Variants in LAMTOR1 observed in about 807,000 individuals in gnomAD.
LAMTOR1 encodes late endosomal/lysosomal adaptor, MAPK and MTOR activator 1.
In LAMTOR1, 8 loss-of-function variants were observed where a neutral mutation model predicts 20.5. The observed-to-expected ratio is 0.39, with a 90% CI of 0.23 to 0.70. The LOEUF (loss-of-function observed/expected upper bound fraction) is 0.70, where lower values mean the gene tolerates loss of function less well. Among genes scored for constraint, LAMTOR1 ranks in the 30% least tolerant of loss-of-function variants. The probability of loss-of-function intolerance (pLI) is 0.43; values close to 1 mark genes in which losing one functional copy is unlikely to be tolerated. For synonymous variants in LAMTOR1, 77 were observed against 80.9 expected, an observed-to-expected ratio of 0.95 and a Z score of 0.26; for missense variants, 135 against 206.2, an observed-to-expected ratio of 0.65 and a Z score of 2.11.
rs1293852677 is a variant in LAMTOR1 at position 72,098,410 on chromosome 11, C to A, written c.272G>T (p.Arg91Leu). 6.2e-7 allele frequency: 1 copy of A among 1,611,292 alleles called. No homozygotes were observed. The highest frequency in any genetic ancestry group is 1.7e-5 in the Admixed American group (1 of 59,532). ...YMDRARQYST[R>L]LAVLSSSLTH... ...CAGGCTGCTGCTCAGCACAGCCAAG[C>A]GGGTGCTGACCAAGAGAGAGGGGGT... Residue 91 changes from arginine to leucine, a missense_variant, in exon 4 of 5, where the codon CGC becomes CTC. By Grantham distance (102) the Arg-to-Leu change is moderately radical. Coordinates refer to ENST00000278671, the MANE Select transcript of LAMTOR1 (RefSeq NM_017907.3).
At chr11:72,102,844 A>C (rs1030783416) in intron 1 of LAMTOR1, among the ~76,000 whole-genome samples, 1 of 152,188 alleles carries the variant, frequency 6.6e-6, no homozygotes, top group Non-Finnish European at 1.5e-5. Context: ...CCACTAATAC[A>C]CAGAAGACAC....
intron 1 of LAMTOR1, among the ~76,000 whole-genome samples, chr11:72,101,108 G>A (rs1565326450): frequency 6.6e-6 from 1 of 152,212 alleles, no homozygotes. Flanking sequence ...CCTATCAGGG[G>A]TTCTTCAAGA....
chr11:72,103,228 C>CGG lies in LAMTOR1; in HGVS notation c.-6_-5dup, dbSNP rs1332998582. On this transcript the variant is annotated 5_prime_UTR_variant, in exon 1 of 5. Coordinates refer to ENST00000278671, the MANE Select transcript of LAMTOR1 (RefSeq NM_017907.3). ...CGCTGCTGTAGCAGCACCCCATGGCCGGGGTCGGGCCGGGCGCTCAGGCCG... is the reference window on the plus strand; with the variant it reads ...CGCTGCTGTAGCAGCACCCCATGGCCGGGGGGTCGGGCCGGGCGCTCAGGCCG... 1.3e-6 allele frequency: 2 copies of CGG among 1,560,874 alleles called. No homozygotes were observed. The highest frequency in any genetic ancestry group is 4.8e-5 in the East Asian group (2 of 41,818).
chr11:72,098,804 G>A lies in LAMTOR1; in HGVS notation c.243C>T (p.Tyr81=). The change falls in exon 3 of 5, where the codon TAC becomes TAT. Residue 81 remains tyrosine, a synonymous_variant. Coordinates refer to ENST00000278671, the MANE Select transcript of LAMTOR1 (RefSeq NM_017907.3). ...ADSQGMEQHE[Y]MDRARQYSTR... is the part of the protein sequence containing the mutation. ...ACCTGTACTGCCTGGCACGGTCCAT[G>A]TACTCATGCTGCTCCATGCCCTGTG... The A allele has an allele frequency of 1.9e-6, 3 of 1,550,790 alleles. No individual in the cohort carries two copies. Among genetic ancestry groups the A allele is most frequent in the Admixed American group, 3.9e-5 (2 of 50,930 alleles).
rs1945351176 is a variant in LAMTOR1 at position 72,099,271 on chromosome 11, G to A, written c.43-15C>T. 1 of 1,532,186 alleles carries A rather than the reference G, an allele frequency of 6.5e-7. No individual in the cohort carries two copies. The highest frequency in any genetic ancestry group is 8.8e-7 in the Non-Finnish European group (1 of 1,137,276). 94.9% of individuals were successfully genotyped at this position (1,532,186 alleles called of 1,614,324 possible). The stretch of plus-strand genomic sequence containing the variant: ...TCCTCTCGGTCCTAGAAGTGGTCAT[G>A]GGAGAGAAGTCAGCCCCAGGACCCG... On this transcript the variant is annotated splice_polypyrimidine_tract_variant and intron_variant, in intron 1 of 4. Coordinates refer to ENST00000278671, the MANE Select transcript of LAMTOR1 (RefSeq NM_017907.3).
chr11:72,098,199 C>G lies in LAMTOR1; in HGVS notation c.393+90G>C, dbSNP rs758023804. 39 of 1,539,734 alleles carry G rather than the reference C, an allele frequency of 2.5e-5. No homozygotes were observed. The African/African-American group carries it at 4.5e-4, about 18-fold the overall frequency. ...ACCAGGCTCCCTAACTCCACCTTCC[C>G]TACCTCCTCTGAGGCAGAGTGGGTG... On this transcript the variant is annotated intron_variant, in intron 4 of 4. Transcript: ENST00000278671.
chr11:72,101,651 GC>G (rs368521193), intron 1 of LAMTOR1, among the ~76,000 whole-genome samples: 7 of 152,332 alleles, frequency 4.6e-5, no homozygotes, highest in African/African-American at 1.7e-4. Context: ...AGAGGGGCCT[GC>G]CCAAGAACTC....
Position 72,097,292 on chromosome 11 carries a change from T to TGGGTAGAACAGAGG in LAMTOR1, c.*529_*530insCCTCTGTTCTACCC, listed in dbSNP as rs1945259782. ...GAACAGAGGGGCCAGAACCAGCACA[T>TGGGTAGAACAGAGG]GGATGAATATACTTCCTTTATCGAG... On this transcript the variant is annotated 3_prime_UTR_variant, in exon 5 of 5. Coordinates refer to ENST00000278671, the MANE Select transcript of LAMTOR1 (RefSeq NM_017907.3). 1 of 994,018 alleles carries TGGGTAGAACAGAGG rather than the reference T, an allele frequency of 1.0e-6. No homozygotes were observed. Among genetic ancestry groups the TGGGTAGAACAGAGG allele is most frequent in the African/African-American group, 1.7e-5 (1 of 57,326 alleles). 61.6% of individuals were successfully genotyped at this position (994,018 alleles called of 1,614,324 possible). A position where few individuals can be genotyped will look rare whatever the true frequency, so the allele number is the denominator to read the frequency against.
intron 1 of LAMTOR1, among the ~76,000 whole-genome samples, chr11:72,100,293 T>C (rs1945392042): frequency 6.6e-6 from 1 of 152,112 alleles, no homozygotes; most frequent in Admixed American, 6.5e-5. Context: ...TTCCCTCCCT[T>C]GCTAAACCAC....
At chr11:72,103,112 A>G (rs1320055654) in intron 1 of LAMTOR1, 71 bp downstream of exon 1, 2 of 1,534,300 alleles carry the variant, frequency 1.3e-6, no homozygotes, top group African/African-American at 1.4e-5. Flanking sequence ...CGTCCTCCGC[A>G]GGTTTCTTTC....
chr11:72,099,808 A>G (rs1945372798), intron 1 of LAMTOR1, among the ~76,000 whole-genome samples: 1 of 152,156 alleles, frequency 6.6e-6, no homozygotes, highest in Non-Finnish European at 1.5e-5. Context: ...AAATTATGTC[A>G]GGGCAGGAAT....
chr11:72,097,333 C>T lies in LAMTOR1; in HGVS notation c.*489G>A. On this transcript the variant is annotated 3_prime_UTR_variant, in exon 5 of 5. Transcript: ENST00000278671. ...CTTTATCGAGGGTGACAAACCAAAA[C>T]AAAAAAAGACCAAACATGTAAAAAC... 1 of 994,652 alleles carries T rather than the reference C, an allele frequency of 1.0e-6. No homozygotes were observed. The highest frequency in any genetic ancestry group is 1.2e-6 in the Non-Finnish European group (1 of 834,872). 61.6% of individuals were successfully genotyped at this position (994,652 alleles called of 1,614,324 possible).
At chr11:72,101,998 A>G (rs1945460152) in intron 1 of LAMTOR1, among the ~76,000 whole-genome samples, 1 of 152,214 alleles carries the variant, frequency 6.6e-6, no homozygotes, top group Non-Finnish European at 1.5e-5. Context: ...GAGAGGTATT[A>G]GGCACAACAC....
intron 4 of LAMTOR1, 119 bp downstream of exon 4, chr11:72,098,170 G>T: frequency 7.4e-7 from 1 of 1,346,002 alleles, no homozygotes; most frequent in Non-Finnish European, 1.0e-6. Flanking sequence ...GGGCCTACAA[G>T]GCTACCAGGC....
chr11:72,098,870 G>A lies in LAMTOR1; in HGVS notation c.189-12C>T, dbSNP rs1591176176. On this transcript the variant is annotated splice_polypyrimidine_tract_variant and intron_variant, in intron 2 of 4. Coordinates refer to ENST00000278671, the MANE Select transcript of LAMTOR1 (RefSeq NM_017907.3). ...CATCAATGATGTTGCTATGGGGAGA[G>A]GAGACAGAGATGACATGACAGGTGC... is the stretch of plus-strand genomic sequence containing the variant. 11 of 1,544,356 alleles carry A rather than the reference G, an allele frequency of 7.1e-6. No individual in the cohort carries two copies. Among genetic ancestry groups the A allele is most frequent in the Non-Finnish European group, 9.6e-6 (11 of 1,143,140 alleles).
In LAMTOR1 at chr11:72,098,315, G is replaced by A. The variant is rs755970684; in HGVS notation, c.367C>T (p.Pro123Ser). The A allele has an allele frequency of 2.7e-5, 43 of 1,613,666 alleles. No individual in the cohort carries two copies. The highest frequency in any genetic ancestry group is 3.6e-5 in the Non-Finnish European group (42 of 1,179,954). The change falls in exon 4 of 5, where the codon CCC becomes TCC. Residue 123 changes from proline (P) to serine (S), a missense_variant. Transcript: ENST00000278671. ...TGCTGCAAATCAGAGAACGGGATGG[G>A]CTCACTGGCCAGCACTTGGTGGGGC... ...SQPHQVLASE[P>S]IPFSDLQQVS...
chr11:72,098,274 T>C lies in LAMTOR1; in HGVS notation c.393+15A>G. On this transcript the variant is annotated intron_variant, in intron 4 of 4. Transcript: ENST00000278671. ...TGTGAGAAGGGTGGGCAGGGGCAGGTGAGGGGTGTCTCACCTGCTGCAAAT... is the reference window on the plus strand; with the variant it reads ...TGTGAGAAGGGTGGGCAGGGGCAGGCGAGGGGTGTCTCACCTGCTGCAAAT... 6.2e-7 allele frequency: 1 copy of C among 1,609,824 alleles called. No individual in the cohort carries two copies.
At chr11:72,098,171 G>A in intron 4 of LAMTOR1, 118 bp downstream of exon 4, 1 of 1,352,088 alleles carries the variant, frequency 7.4e-7, no homozygotes, top group African/African-American at 1.4e-5. Flanking sequence ...GGCCTACAAG[G>A]CTACCAGGCT....
chr11:72,101,268 G>C (rs1397551192), intron 1 of LAMTOR1, among the ~76,000 whole-genome samples: 1 of 120,020 alleles, frequency 8.3e-6, no homozygotes, highest in Non-Finnish European at 1.6e-5. Flanking sequence ...AGTGGAGCAT[G>C]GGTTAGGTTT....
Sources: allele counts gnomAD v4.1 joint callset (sites outside exome capture counted in the v4.1 genomes callset), GRCh38; gene constraint gnomAD v4.1.1; transcripts MANE v1.5; gene names NCBI Gene and HGNC (gene_info 2026-07-23, HGNC 2026-07-21).